The following TAF6L variants were observed in gnomAD, a reference collection of about 807,000 sequenced individuals.
TAF6L encodes the protein TATA-box binding protein associated factor 6 like.
A neutral mutation model predicts 57.3 loss-of-function variants in TAF6L; 34 were observed. The ratio of observed to expected loss-of-function variants is 0.59; its 90% confidence interval spans 0.45 to 0.79. The LOEUF (loss-of-function observed/expected upper bound fraction) is 0.79, where lower values mean the gene tolerates loss of function less well. TAF6L is among the 30% of genes least tolerant of loss of function. The probability of loss-of-function intolerance (pLI) is 0.00; values close to 1 mark genes in which losing one functional copy is unlikely to be tolerated. For missense variants in TAF6L, 782 were observed against 853.2 expected (o/e 0.92, Z 1.04); for synonymous variants, 417 against 376.3 (o/e 1.11, Z -1.25).
At position 62,786,317 on chromosome 11, in the gene TAF6L, G is replaced by A. The variant is rs1008981112; in HGVS notation, c.1018G>A (p.Val340Met). 6.2e-7 allele frequency: 1 copy of A among 1,614,196 alleles called. No homozygotes were observed. The change falls in exon 10 of 11, where the codon GTG (valine) becomes ATG (methionine). Residue 340 changes from valine (V) to methionine (M), a missense_variant. This residue lies in a region of TAF6L where 483 missense variants were observed against 445.1 expected (regional missense o/e 1.09). Coordinates refer to ENST00000294168, the MANE Select transcript of TAF6L (RefSeq NM_006473.4). ...CACCTACTGGACAAACTTGCAGGCT[G>A]TGCTGGATGATTATTCAGTATCTAA... Reference protein sequence around the residue: ...LSTYWTNLQAVLDDYSVSNAQ... With the variant: ...LSTYWTNLQAMLDDYSVSNAQ...
At chr11:62,782,877 G>GA (rs760543422) in intron 9 of TAF6L, 52 bp downstream of exon 9, 3 of 1,600,758 alleles carry the variant, frequency 1.9e-6, no homozygotes, top group Non-Finnish European at 2.6e-6. Flanking sequence ...ATTTGTGTTA[G>GA]AAAAATAGTA....
At chr11:62,775,466 T>G (rs1157065130) in intron 1 of TAF6L, among the ~76,000 whole-genome samples, 1 of 152,200 alleles carries the variant, frequency 6.6e-6, no homozygotes, top group Non-Finnish European at 1.5e-5. Flanking sequence ...GTTTTACAGT[T>G]TAGGACACAA....
rs759417969 is a variant in TAF6L at position 62,782,310 on chromosome 11, C to T, written c.804C>T (p.Ala268=). 3 of 1,613,854 alleles carry T rather than the reference C, an allele frequency of 1.9e-6. No homozygotes were observed. The highest frequency in any genetic ancestry group is 2.2e-5 in the South Asian group (2 of 91,070). The change falls in exon 8 of 11, where the codon GCC becomes GCT. Residue 268 remains alanine, a synonymous_variant. Transcript: ENST00000294168. ...NDHWTLRDGA[A]LLLSHIFWTH... ...ACTGGACTCTGCGGGATGGGGCTGC[C>T]CTCCTGCTCAGCCACATCTTCTGGT...
chr11:62,786,729 G>A lies in TAF6L; in HGVS notation c.1302G>A (p.Ser434=), dbSNP rs1399075273. Residue 434 remains serine (S), a synonymous_variant, in exon 11 of 11, where the codon TCG becomes TCA. Transcript: ENST00000294168. ...CGGGGCCGGAGGACCCTTCTCTTTC[G>A]GTGACCCTGGCCGACATCTACCGGG... The part of the protein sequence containing the change: ...GGAGPEDPSL[S]VTLADIYREL... 1.9e-6 allele frequency: 3 copies of A among 1,613,226 alleles called. No homozygotes were observed. The highest frequency in any genetic ancestry group is 2.5e-6 in the Non-Finnish European group (3 of 1,179,854).
intron 1 of TAF6L, chr11:62,771,824 A>T: frequency 3.4e-6 from 1 of 291,478 alleles, no homozygotes; most frequent in Non-Finnish European, 6.8e-6. Context: ...GTCATATAAT[A>T]GGGAAACTCC....
In TAF6L at chr11:62,778,072, T is replaced by C. The variant is rs1430984676; in HGVS notation, c.329T>C (p.Val110Ala). The C allele has an allele frequency of 1.2e-6, 2 of 1,614,080 alleles. No homozygotes were observed. Among genetic ancestry groups the C allele is most frequent in the Admixed American group, 3.3e-5 (2 of 59,988 alleles). Residue 110 changes from valine (V) to alanine (A), a missense_variant, in exon 4 of 11, where the codon GTG becomes GCG. Physicochemically the swap from Val to Ala is moderately conservative, Grantham distance 64. Coordinates refer to ENST00000294168, the MANE Select transcript of TAF6L (RefSeq NM_006473.4). ...YFPEDREVNL[V>A]ELALATNIPK... ...CCTGAGGATCGAGAGGTGAACCTGG[T>C]GGAGCTGGCCCTGGCTACCAACATC... is the stretch of plus-strand genomic sequence containing the variant.
intron 8 of TAF6L, 141 bp downstream of exon 8, chr11:62,782,474 G>T: frequency 1.9e-6 from 2 of 1,055,710 alleles, no homozygotes; most frequent in Non-Finnish European, 2.7e-6. Flanking sequence ...TAGCTGGTGT[G>T]CTGTGACACA....
At chr11:62,782,669 C>T in intron 8 of TAF6L, 24 bp from the exon 9 acceptor site, 2 of 1,609,374 alleles carry the variant, frequency 1.2e-6, no homozygotes, top group South Asian at 1.1e-5. Context: ...CATTCCCCTC[C>T]CTAACTGAAT....
chr11:62,787,149 C>T lies in TAF6L; in HGVS notation c.1722C>T (p.Arg574=), dbSNP rs1266958970. Residue 574 remains arginine (R), a synonymous_variant, in exon 11 of 11, where the codon CGC becomes CGT. Coordinates refer to ENST00000294168, the MANE Select transcript of TAF6L (RefSeq NM_006473.4). The part of the protein sequence containing the change: ...IAGRQAGRRC[R]GRLFQTAFPA... ...GGCGGCAGGCTGGGAGGCGCTGCCG[C>T]GGGCGCCTTTTCCAGACTGCCTTCC... 3 of 1,571,294 alleles carry T rather than the reference C, an allele frequency of 1.9e-6. No homozygotes were observed. The highest frequency in any genetic ancestry group is 2.7e-5 in the African/African-American group (2 of 72,886).
chr11:62,771,843 C>T, intron 1 of TAF6L: 1 of 301,220 alleles, frequency 3.3e-6, no homozygotes, highest in Non-Finnish European at 6.6e-6. Context: ...CCCTCCGTGC[C>T]TTTCGCGCTG....
chr11:62,776,244 G>C (rs1435608008), intron 2 of TAF6L, 140 bp from the exon 3 acceptor site: 12 of 831,168 alleles, frequency 1.4e-5, no homozygotes, highest in Non-Finnish European at 2.0e-5. Context: ...TTGTACAGGA[G>C]CAGAGACGGA....
chr11:62,782,297 G>A lies in TAF6L; in HGVS notation c.791G>A (p.Arg264Gln). The change falls in exon 8 of 11, where the codon CGG becomes CAG. Residue 264 changes from arginine (R) to glutamine (Q), a missense_variant. Arg to Gln is a conservative substitution (Grantham distance 43, BLOSUM62 1). This residue lies in a region of TAF6L where 79 missense variants were observed against 156.0 expected (regional missense o/e 0.51). Transcript: ENST00000294168. ...INPLNDHWTLRDGAALLLSHI... is the reference protein window; with the variant it reads ...INPLNDHWTLQDGAALLLSHI... ...CCCCTGAATGACCACTGGACTCTGC[G>A]GGATGGGGCTGCCCTCCTGCTCAGC... The A allele has an allele frequency of 1.9e-6, 3 of 1,614,088 alleles. No individual in the cohort carries two copies. The highest frequency in any genetic ancestry group is 2.5e-6 in the Non-Finnish European group (3 of 1,180,034).
Position 62,786,250 on chromosome 11 carries a change from T to C in TAF6L, c.961-10T>C, listed in dbSNP as rs747098014. The C allele has an allele frequency of 3.1e-6, 5 of 1,607,664 alleles. No homozygotes were observed. The highest frequency in any genetic ancestry group is 4.3e-6 in the Non-Finnish European group (5 of 1,174,682). ...AGACATGCTAACTGTATTCCTTCTC[T>C]TCCTTCCAGGCAGTAGAACGAGTCC... On this transcript the variant is annotated splice_polypyrimidine_tract_variant and intron_variant, in intron 9 of 10. Transcript: ENST00000294168.
intron 1 of TAF6L, among the ~76,000 whole-genome samples, chr11:62,774,048 C>T (rs1437122535): frequency 2.6e-5 from 4 of 151,976 alleles, no homozygotes; most frequent in African/African-American, 9.7e-5. Flanking sequence ...ACATGCAGAG[C>T]CTCCAGAGCC....
chr11:62,777,874 T>C (rs633742), intron 3 of TAF6L, 104 bp from the exon 4 acceptor site: 287,988 of 1,383,038 alleles, frequency 0.21, 30,796 homozygotes, highest in East Asian at 0.34. Flanking sequence ...CTGGACTTCC[T>C]TCAAACGTGG....
At chr11:62,779,979 T>TTC (rs1565188295) in intron 6 of TAF6L, among the ~76,000 whole-genome samples, 5 of 100,810 alleles carry the variant, frequency 5.0e-5, no homozygotes, top group African/African-American at 1.5e-4. Flanking sequence ...TATATATATT[T>TTC]TTTTTTTTTT....
chr11:62,783,052 TGCCCGTTCTATATTA>T lies in TAF6L; in HGVS notation c.960+228_960+242del, dbSNP rs2084241964. Among the ~76,000 whole-genome samples the T allele has an allele frequency of 3.9e-5, 6 of 152,254 alleles. No individual in the cohort carries two copies. In the South Asian group the frequency reaches 1.2e-3, roughly 31 times the overall value. On this transcript the variant is annotated intron_variant, in intron 9 of 10. Coordinates refer to ENST00000294168, the MANE Select transcript of TAF6L (RefSeq NM_006473.4). ...GATGTCCCCACATTTTATAAATTCC[TGCCCGTTCTATATTA>T]TCACATTAAGAAATACCTTCAATTC...
chr11:62,786,402 C>T lies in TAF6L; in HGVS notation c.1089+14C>T, dbSNP rs1474410073. On this transcript the variant is annotated intron_variant, in intron 10 of 10. Transcript: ENST00000294168. Reference sequence around the variant, plus strand: ...GGAGCCATTCTGGTGAGTACCGTCCCCTTCCAGCCTCCCTTCCCTGCATGA... The same window carrying T: ...GGAGCCATTCTGGTGAGTACCGTCCTCTTCCAGCCTCCCTTCCCTGCATGA... The T allele has an allele frequency of 1.9e-6, 3 of 1,609,952 alleles. No individual in the cohort carries two copies. Among genetic ancestry groups the T allele is most frequent in the East Asian group, 4.5e-5 (2 of 44,714 alleles).
chr11:62,775,945 C>T lies in TAF6L; in HGVS notation c.147+15C>T, dbSNP rs777509404. Reference sequence around the variant, plus strand: ...AGGCCACGCAGGTACACTCCCCTCACCCCCTGATACCTCCAACTTTCCTTG... The same window carrying T: ...AGGCCACGCAGGTACACTCCCCTCATCCCCTGATACCTCCAACTTTCCTTG... On this transcript the variant is annotated intron_variant, in intron 2 of 10. Coordinates refer to ENST00000294168, the MANE Select transcript of TAF6L (RefSeq NM_006473.4). The T allele has an allele frequency of 5.7e-6, 9 of 1,582,338 alleles. No homozygotes were observed. Among genetic ancestry groups the T allele is most frequent in the Non-Finnish European group, 7.7e-6 (9 of 1,163,868 alleles).
Sources: gnomAD v4.1 joint callset for allele counts (sites outside exome capture counted in the v4.1 genomes callset) on GRCh38, gnomAD v4.1.1 for gene constraint, gnomAD v4.1.1 regional missense constraint, MANE v1.5 for transcripts, NCBI Gene and HGNC (gene_info 2026-07-23, HGNC 2026-07-21) for gene names.